Variants in KPNA5 observed in about 807,000 individuals in gnomAD.
KPNA5 encodes the protein importin subunit alpha-6.
A neutral mutation model predicts 71.3 loss-of-function variants in KPNA5; 46 were observed. The observed-to-expected ratio is 0.65, with a 90% CI of 0.51 to 0.83. KPNA5 has a LOEUF of 0.83. Among genes scored for constraint, KPNA5 ranks in the 40% least tolerant of loss-of-function variants. The probability of loss-of-function intolerance (pLI) is 0.00; values close to 1 mark genes in which losing one functional copy is unlikely to be tolerated. For synonymous variants in KPNA5, 207 were observed against 201.4 expected (o/e 1.03, Z -0.24); for missense variants, 547 against 628.3 (o/e 0.87, Z 1.38).
chr6:116,687,581 C>T (rs1375040716), intron 1 of KPNA5, among the ~76,000 whole-genome samples: 4 of 152,122 alleles, frequency 2.6e-5, no homozygotes, highest in Non-Finnish European at 4.4e-5. Context: ...TTATTCTTGT[C>T]TCAGAAACAA....
At position 116,705,105 on chromosome 6, in the gene KPNA5, A is replaced by C; in HGVS notation, c.601A>C (p.Asn201His). 1.2e-6 allele frequency: 2 copies of C among 1,612,898 alleles called. No individual in the cohort carries two copies. Among genetic ancestry groups the C allele is most frequent in the Non-Finnish European group, 1.7e-6 (2 of 1,179,674 alleles). The change falls in exon 7 of 14, where the codon AAT becomes CAT. Residue 201 changes from asparagine (N) to histidine (H), a missense_variant. Transcript: ENST00000368564. ...GGCACTTGGTAATATTGCTGGTGACAATGCAGAATGCAGAGATTTTGTTTT... is the reference window on the plus strand; with the variant it reads ...GGCACTTGGTAATATTGCTGGTGACCATGCAGAATGCAGAGATTTTGTTTT... The part of the protein sequence containing the change: ...VWALGNIAGD[N>H]AECRDFVLNC...
Position 116,689,468 on chromosome 6 carries a change from C to A in KPNA5, c.138+15C>A. 2 of 1,530,906 alleles carry A rather than the reference C, an allele frequency of 1.3e-6. No individual in the cohort carries two copies. Among genetic ancestry groups the A allele is most frequent in the Non-Finnish European group, 8.7e-7 (1 of 1,145,312 alleles). The allele number at this position is 1,530,906 out of a possible 1,614,324, so 94.8% of individuals were successfully genotyped here. ...GAGAAGAACAGGTAGGTGTTTTTAGCTATTTAATTTTGTTTTTTAAAATTT... is the reference window on the plus strand; with the variant it reads ...GAGAAGAACAGGTAGGTGTTTTTAGATATTTAATTTTGTTTTTTAAAATTT... On this transcript the variant is annotated intron_variant, in intron 2 of 13. Coordinates refer to ENST00000368564, the MANE Select transcript of KPNA5 (RefSeq NM_001366306.2).
Position 116,738,113 on chromosome 6 carries a change from TAAAG to T in KPNA5, c.*5793_*5796del, listed in dbSNP as rs935930107. 2.6e-5 allele frequency: 4 copies of T among 151,430 alleles called. No individual in the cohort carries two copies. The highest frequency in any genetic ancestry group is 7.3e-5 in the African/African-American group (3 of 41,208). 9.4% of individuals were successfully genotyped at this position (151,430 alleles called of 1,614,324 possible). On this transcript the variant is annotated 3_prime_UTR_variant, in exon 14 of 14. Transcript: ENST00000368564. ...ATTGACAGACCGTTAGCAAGACTAA[TAAAG>T]AAGAAAAGAGAGAAGAATCAAATAG...
At chr6:116,698,952 C>T (rs942487778) in intron 5 of KPNA5, among the ~76,000 whole-genome samples, 154 bp downstream of exon 5, 2 of 151,922 alleles carry the variant, frequency 1.3e-5, no homozygotes, top group South Asian at 2.1e-4. Context: ...GTCTTGGACA[C>T]GGTTTCAGTG....
intron 6 of KPNA5, among the ~76,000 whole-genome samples, chr6:116,704,702 G>A (rs1778366387): frequency 1.3e-5 from 2 of 151,984 alleles, no homozygotes; most frequent in African/African-American, 4.8e-5. Context: ...AGCCTCCTAA[G>A]TAGCTGAGAT....
intron 10 of KPNA5, among the ~76,000 whole-genome samples, chr6:116,724,594 AAGTT>A (rs1779228937): frequency 6.6e-6 from 1 of 151,154 alleles, no homozygotes; most frequent in East Asian, 2.0e-4. Flanking sequence ...TTTATTTAGT[AAGTT>A]AGTTTAGTTA....
chr6:116,710,476 A>G (rs937908533), intron 7 of KPNA5, among the ~76,000 whole-genome samples: 2 of 152,166 alleles, frequency 1.3e-5, no homozygotes, highest in Non-Finnish European at 2.9e-5. Flanking sequence ...TCAATGTGAA[A>G]TAAGCACATA....
Position 116,725,039 on chromosome 6 carries a change from C to T in KPNA5, c.999+664C>T, listed in dbSNP as rs556270496. ...CTTTCAGTTTTATCCTTTTAAAGGC[C>T]TATTTGGATACTAATCATAGTTATT... On this transcript the variant is annotated intron_variant, in intron 10 of 13. Transcript: ENST00000368564. Among the ~76,000 whole-genome samples, 3 of 152,138 alleles carry T rather than the reference C, an allele frequency of 2.0e-5. No individual in the cohort carries two copies. In the South Asian group the frequency reaches 6.2e-4, roughly 32 times the overall value.
chr6:116,737,130 G>GA lies in KPNA5; in HGVS notation c.*4813dup, dbSNP rs1351599222. On this transcript the variant is annotated 3_prime_UTR_variant, in exon 14 of 14. Transcript: ENST00000368564. ...TTCTTCTTAACACAAGTTACTAGGGGAAAAAATGTGATCCTTTAAAGGCTT... is the reference window on the plus strand; with the variant it reads ...TTCTTCTTAACACAAGTTACTAGGGGAAAAAAATGTGATCCTTTAAAGGCTT... 2.0e-5 allele frequency: 3 copies of GA among 151,852 alleles called. No individual in the cohort carries two copies. Among genetic ancestry groups the GA allele is most frequent in the Non-Finnish European group, 2.9e-5 (2 of 67,890 alleles). 9.4% of individuals were successfully genotyped at this position (151,852 alleles called of 1,614,324 possible). A position where few individuals can be genotyped will look rare whatever the true frequency, so the allele number is the denominator to read the frequency against.
intron 7 of KPNA5, among the ~76,000 whole-genome samples, chr6:116,708,144 T>C (rs1218179883): frequency 6.6e-6 from 1 of 152,242 alleles, no homozygotes; most frequent in African/African-American, 2.4e-5. Flanking sequence ...ATTTTGTTCA[T>C]TCATTAATAG....
In KPNA5 at chr6:116,692,365, C is replaced by A. The variant is rs970955878; in HGVS notation, c.313C>A (p.Gln105Lys). ...TGCTGATCAACAGCTAACAGCAACA[C>A]AGAAATTTAGAAAGCTGCTTTCTAA... is the stretch of plus-strand genomic sequence containing the variant. The part of the protein sequence containing the change: ...NNADQQLTAT[Q>K]KFRKLLSKEP... The change falls in exon 4 of 14, where the codon CAG becomes AAG. Residue 105 changes from glutamine to lysine, a missense_variant. Physicochemically the swap from Gln to Lys is moderately conservative, Grantham distance 53. Transcript: ENST00000368564. 6.2e-7 allele frequency: 1 copy of A among 1,603,336 alleles called. No individual in the cohort carries two copies. Among genetic ancestry groups the A allele is most frequent in the African/African-American group, 1.3e-5 (1 of 74,548 alleles).
intron 4 of KPNA5, among the ~76,000 whole-genome samples, chr6:116,697,569 A>G (rs1046223629): frequency 2.0e-5 from 3 of 152,176 alleles, no homozygotes; most frequent in Non-Finnish European, 2.9e-5. Flanking sequence ...TTTTATGTCC[A>G]CCATTTGCTT....
chr6:116,721,287 T>C (rs1779094955), intron 8 of KPNA5, among the ~76,000 whole-genome samples: 1 of 152,172 alleles, frequency 6.6e-6, no homozygotes, highest in Admixed American at 6.6e-5. Context: ...CACTTTTTAT[T>C]TGTGAGATAC....
intron 2 of KPNA5, among the ~76,000 whole-genome samples, chr6:116,690,731 A>G (rs1375921039): frequency 1.3e-5 from 2 of 152,092 alleles, no homozygotes; most frequent in Non-Finnish European, 2.9e-5. Flanking sequence ...TTGATTTAGG[A>G]AATGTAGAGT....
chr6:116,724,498 T>C (rs1458848668), intron 10 of KPNA5, 123 bp downstream of exon 10: 1 of 608,998 alleles, frequency 1.6e-6, no homozygotes, highest in Non-Finnish European at 3.0e-6. Context: ...TGTGTGTCTG[T>C]ATCTGTGTCT....
At chr6:116,692,246 A>G (rs755254815) in intron 3 of KPNA5, 47 bp from the exon 4 acceptor site, 1 of 1,420,852 alleles carries the variant, frequency 7.0e-7, no homozygotes, top group South Asian at 1.2e-5. Flanking sequence ...AAAATTATTC[A>G]TGTAAAATAT....
At chr6:116,731,747 C>T (rs73765843) in intron 13 of KPNA5, among the ~76,000 whole-genome samples, 1,747 of 151,854 alleles carry the variant, frequency 0.012, 35 homozygotes, top group African/African-American at 0.041. Context: ...GTTGCTTTCC[C>T]TTTTTGGGCT....
chr6:116,726,025 TAAC>T (rs1476491289), intron 11 of KPNA5, 149 bp downstream of exon 11: 13 of 829,848 alleles, frequency 1.6e-5, no homozygotes, highest in African/African-American at 7.0e-5. Context: ...TCTAAAATAA[TAAC>T]ATTTACTTGT....
At chr6:116,687,676 G>A (rs1193223289) in intron 1 of KPNA5, among the ~76,000 whole-genome samples, 1 of 152,048 alleles carries the variant, frequency 6.6e-6, no homozygotes, top group Non-Finnish European at 1.5e-5. Context: ...TACTCAGATG[G>A]CTCAGTTAAA....
Sources: gnomAD v4.1 joint callset for allele counts (sites outside exome capture counted in the v4.1 genomes callset) on GRCh38, gnomAD v4.1.1 for gene constraint, MANE v1.5 for transcripts, NCBI Gene and HGNC (gene_info 2026-07-23, HGNC 2026-07-21) for gene names.